GTF3C5: variants seen among roughly 807,000 people sequenced by gnomAD.
GTF3C5 encodes general transcription factor IIIC subunit 5.
A neutral mutation model predicts 61.0 loss-of-function variants in GTF3C5; 47 were observed. The observed-to-expected ratio is 0.77, with a 90% CI of 0.61 to 0.98. The LOEUF is 0.98. GTF3C5 is among the 50% of genes least tolerant of loss of function. GTF3C5 has a pLI of 0.00. For missense variants in GTF3C5, 659 were observed against 703.3 expected (o/e 0.94, Z 0.71); for synonymous variants, 295 against 275.4 (o/e 1.07, Z -0.71).
chr9:133,031,001 G>A lies in GTF3C5; in HGVS notation c.-11G>A. On this transcript the variant is annotated 5_prime_UTR_variant, in exon 1 of 11. Coordinates refer to ENST00000372097, the MANE Select transcript of GTF3C5 (RefSeq NM_012087.4). ...GGACGGACCCTGGCGGGCCCTGCCA[G>A]ACGCACAGGGATGGCGGCGGAGGCG... The A allele has an allele frequency of 6.2e-7, 1 of 1,612,390 alleles. No homozygotes were observed. The highest frequency in any genetic ancestry group is 1.1e-5 in the South Asian group (1 of 90,816).
intron 3 of GTF3C5, among the ~76,000 whole-genome samples, chr9:133,044,988 T>G (rs916045475): frequency 1.3e-5 from 2 of 151,990 alleles, no homozygotes; most frequent in African/African-American, 4.8e-5. Flanking sequence ...TCAGAGGTTC[T>G]TGACATAATT....
At chr9:133,031,744 G>C (rs573267888) in intron 1 of GTF3C5, among the ~76,000 whole-genome samples, 1 of 152,332 alleles carries the variant, frequency 6.6e-6, no homozygotes, top group African/African-American at 2.4e-5. Flanking sequence ...CTCTACTGCT[G>C]TGTCTTTCCC....
Position 133,036,745 on chromosome 9 carries a change from C to T in GTF3C5, c.154-5342C>T, listed in dbSNP as rs115505992. The stretch of plus-strand genomic sequence containing the variant: ...TGTTTTTAGGGCATATGAGTCAATC[C>T]GTAAGCGGCAATATCCAACCAATCC... On this transcript the variant is annotated intron_variant, in intron 1 of 10. Transcript: ENST00000372097. Among the ~76,000 whole-genome samples, 1,233 of 152,192 alleles carry T rather than the reference C, an allele frequency of 8.1e-3. 33 individuals carry two copies. Among genetic ancestry groups the T allele is most frequent in the African/African-American group, 0.028 (1,174 of 41,474 alleles).
intron 1 of GTF3C5, among the ~76,000 whole-genome samples, chr9:133,034,514 GGTTA>G (rs1849812712): frequency 6.6e-6 from 1 of 152,146 alleles, no homozygotes; most frequent in South Asian, 2.1e-4. Context: ...CCCTTTTTAG[GGTTA>G]GTTTGGTAGG....
chr9:133,055,017 G>A (rs1335432276), intron 8 of GTF3C5: 3 of 1,551,690 alleles, frequency 1.9e-6, no homozygotes, highest in South Asian at 2.4e-5. Context: ...GACATCTGGC[G>A]AAGAGGTGGT....
chr9:133,043,935 C>G lies in GTF3C5; in HGVS notation c.572+9C>G. The G allele has an allele frequency of 6.2e-7, 1 of 1,603,294 alleles. No homozygotes were observed. The highest frequency in any genetic ancestry group is 1.1e-5 in the South Asian group (1 of 90,794). ...CCAGAGACCCAGCACCGGTAAGGCC[C>G]CCCTCCATGCAGCCTCGGTTCTCTA... On this transcript the variant is annotated intron_variant, in intron 3 of 10. Coordinates refer to ENST00000372097, the MANE Select transcript of GTF3C5 (RefSeq NM_012087.4).
At chr9:133,042,409 G>A (rs1049940297) in intron 2 of GTF3C5, 103 bp downstream of exon 2, 44 of 788,410 alleles carry the variant, frequency 5.6e-5, no homozygotes, top group Non-Finnish European at 7.3e-5. Flanking sequence ...AGGGGGCCAG[G>A]ATATGCCCAG....
In GTF3C5 at chr9:133,052,070, T is replaced by C. The variant is rs978973438; in HGVS notation, c.779T>C (p.Ile260Thr). 6.3e-7 allele frequency: 1 copy of C among 1,597,456 alleles called. No individual in the cohort carries two copies. ...CCTTGGCCTCCCCAGCTGTTTGACATCCGTCCCATCTGGTCCCGAAATGCT... is the reference window on the plus strand; with the variant it reads ...CCTTGGCCTCCCCAGCTGTTTGACACCCGTCCCATCTGGTCCCGAAATGCT... ...VEEELRKLFD[I>T]RPIWSRNAVK... Residue 260 changes from isoleucine to threonine, a missense_variant, in exon 5 of 11, where the codon ATC becomes ACC. By Grantham distance (89) the Ile-to-Thr change is moderately conservative (BLOSUM62 -1). Transcript: ENST00000372097.
chr9:133,042,141 T>C lies in GTF3C5; in HGVS notation c.208T>C (p.Tyr70His). The C allele has an allele frequency of 6.2e-7, 1 of 1,613,938 alleles. No homozygotes were observed. The highest frequency in any genetic ancestry group is 8.5e-7 in the Non-Finnish European group (1 of 1,179,948). The part of the protein sequence containing the change: ...LELYFRPKDP[Y>H]CHPVCANRFS... The stretch of plus-strand genomic sequence containing the variant: ...GCTGTACTTCCGGCCCAAGGACCCA[T>C]ACTGCCACCCAGTGTGCGCCAACCG... The change falls in exon 2 of 11, where the codon TAC becomes CAC. Residue 70 changes from tyrosine (Y) to histidine (H), a missense_variant. Transcript: ENST00000372097.
In GTF3C5 at chr9:133,054,897, T is replaced by G; in HGVS notation, c.1167+88T>G. ...TGGGTGACACCTGGGGGGCTGTGAT[T>G]AGGGCAGCTCTGCCCACCGGGGCCT... On this transcript the variant is annotated intron_variant, in intron 8 of 10. Coordinates refer to ENST00000372097, the MANE Select transcript of GTF3C5 (RefSeq NM_012087.4). 5 of 1,537,576 alleles carry G rather than the reference T, an allele frequency of 3.3e-6. No homozygotes were observed. In the South Asian group the frequency reaches 4.8e-5, roughly 15 times the overall value.
rs536788241 is a variant in GTF3C5, at chr9:133,049,043, C to T, written c.573-1740C>T. On this transcript the variant is annotated intron_variant, in intron 3 of 10. Coordinates refer to ENST00000372097, the MANE Select transcript of GTF3C5 (RefSeq NM_012087.4). Reference sequence around the variant, plus strand: ...AAGCAGAGGCTGCTGGGTGGCCTGACGGGGTCGTCCTAACTGGAGGATGGT... The same window carrying T: ...AAGCAGAGGCTGCTGGGTGGCCTGATGGGGTCGTCCTAACTGGAGGATGGT... 3.0e-3 allele frequency among the ~76,000 whole-genome samples: 455 copies of T among 152,330 alleles called. 2 individuals are homozygous for T. The highest frequency in any genetic ancestry group is 7.5e-3 in the African/African-American group (313 of 41,580).
At chr9:133,051,002 C>T (rs1224743940) in intron 4 of GTF3C5, 24 bp downstream of exon 4, 12 of 1,539,530 alleles carry the variant, frequency 7.8e-6, no homozygotes, top group African/African-American at 2.8e-5. Flanking sequence ...TGCGCCTGGC[C>T]CCGGTGGCTC....
In GTF3C5 at chr9:133,052,096, G is replaced by T. The variant is rs766588563; in HGVS notation, c.805G>T (p.Val269Phe). 2 of 1,609,260 alleles carry T rather than the reference G, an allele frequency of 1.2e-6. No individual in the cohort carries two copies. Among genetic ancestry groups the T allele is most frequent in the Non-Finnish European group, 1.7e-6 (2 of 1,177,376 alleles). The change falls in exon 5 of 11, where the codon GTC becomes TTC. Residue 269 changes from valine (V) to phenylalanine (F), a missense_variant. Val to Phe is a conservative substitution (Grantham distance 50, BLOSUM62 -1). Coordinates refer to ENST00000372097, the MANE Select transcript of GTF3C5 (RefSeq NM_012087.4). Reference sequence around the variant, plus strand: ...CCGTCCCATCTGGTCCCGAAATGCTGTCAAGGCCAACATCAGCGTCCACCC... The same window carrying T: ...CCGTCCCATCTGGTCCCGAAATGCTTTCAAGGCCAACATCAGCGTCCACCC... ...DIRPIWSRNA[V>F]KANISVHPDK...
intron 8 of GTF3C5, chr9:133,055,659 G>C: frequency 1.0e-6 from 1 of 985,458 alleles, no homozygotes; most frequent in Non-Finnish European, 1.2e-6. Flanking sequence ...ATTAGCAGCA[G>C]TGGGTGAGGG....
At chr9:133,037,245 G>A (rs1397244862) in intron 1 of GTF3C5, among the ~76,000 whole-genome samples, 7 of 152,290 alleles carry the variant, frequency 4.6e-5, no homozygotes, top group East Asian at 3.9e-4. Flanking sequence ...ACTGATGGTC[G>A]TATGGAATTT....
chr9:133,057,781 G>T (rs761533328), intron 10 of GTF3C5, 33 bp from the exon 11 acceptor site: 3 of 1,545,730 alleles, frequency 1.9e-6, no homozygotes, highest in Non-Finnish European at 1.7e-6. Context: ...AGCCTGCATG[G>T]GACACCCATG....
chr9:133,039,591 G>A (rs1301417101), intron 1 of GTF3C5, among the ~76,000 whole-genome samples: 1 of 152,112 alleles, frequency 6.6e-6, no homozygotes, highest in East Asian at 1.9e-4. Flanking sequence ...TTTTTGTAGA[G>A]ACGTGGTCTC....
At chr9:133,053,586 A>C (rs957298215) in intron 5 of GTF3C5, among the ~76,000 whole-genome samples, 9 of 152,152 alleles carry the variant, frequency 5.9e-5, no homozygotes, top group Non-Finnish European at 1.3e-4. Context: ...CCTCTCCCCC[A>C]AAAAACAAAA....
In GTF3C5 at chr9:133,057,933, G is replaced by A. The variant is rs1385234475; in HGVS notation, c.1513G>A (p.Asp505Asn). ...GGAGGAGGAGGACTTCAAGCCATCC[G>A]ACGGCAGTGAAAACGAAATGGAGAC... ...EEEEEDFKPS[D>N]GSENEMETEI... is the part of the protein sequence containing the mutation. Residue 505 changes from aspartate (D) to asparagine (N), a missense_variant, in exon 11 of 11, where the codon GAC (aspartate) becomes AAC (asparagine). Physicochemically the swap from Asp to Asn is conservative, Grantham distance 23. Coordinates refer to ENST00000372097, the MANE Select transcript of GTF3C5 (RefSeq NM_012087.4). 10 of 1,613,978 alleles carry A rather than the reference G, an allele frequency of 6.2e-6. No homozygotes were observed. The highest frequency in any genetic ancestry group is 8.5e-6 in the Non-Finnish European group (10 of 1,180,010).
Sources: allele counts gnomAD v4.1 joint callset (sites outside exome capture counted in the v4.1 genomes callset), GRCh38; gene constraint gnomAD v4.1.1; transcripts MANE v1.5; gene names NCBI Gene and HGNC (gene_info 2026-07-23, HGNC 2026-07-21).